Variants in MARCHF1 observed in about 807,000 individuals in gnomAD.
The protein encoded by MARCHF1 is E3 ubiquitin-protein ligase MARCHF1.
MARCHF1 carries 40 observed loss-of-function variants against 54.2 expected under a neutral mutation model. That is an observed-to-expected ratio of 0.74 (90% confidence interval 0.57 to 0.96). MARCHF1 has a LOEUF of 0.96. Among genes scored for constraint, MARCHF1 ranks in the 40% least tolerant of loss-of-function variants. The probability of loss-of-function intolerance (pLI) is 0.00; values close to 1 mark genes in which losing one functional copy is unlikely to be tolerated. For synonymous variants in MARCHF1, 236 were observed against 236.3 expected (o/e 1.00, Z 0.01); for missense variants, 586 against 656.5 (o/e 0.89, Z 1.17).
At chr4:163,989,064 A>C (rs3967465) in intron 2 of MARCHF1, 70,815 of 151,976 alleles carry the variant, frequency 0.47, 17,525 homozygotes, top group Non-Finnish European at 0.55. Context: ...GTTTTTGTTT[A>C]TCCTGATTCC....
At chr4:164,048,493 A>G (rs2111036657) in intron 2 of MARCHF1, among the ~76,000 whole-genome samples, 1 of 152,304 alleles carries the variant, frequency 6.6e-6, no homozygotes, top group African/African-American at 2.4e-5. Context: ...CAACTGCTTG[A>G]GAACAATGTT....
At chr4:163,767,189 T>C (rs1459513229) in intron 4 of MARCHF1, among the ~76,000 whole-genome samples, 1 of 151,638 alleles carries the variant, frequency 6.6e-6, no homozygotes, top group Non-Finnish European at 1.5e-5. Flanking sequence ...TTTTAGAAAT[T>C]TCACTCATTC....
At chr4:164,021,567 T>C (rs1753665225) in intron 2 of MARCHF1, among the ~76,000 whole-genome samples, 1 of 135,246 alleles carries the variant, frequency 7.4e-6, no homozygotes, top group Non-Finnish European at 1.6e-5. Flanking sequence ...ACTCTTTGCC[T>C]GACAAAAAGA....
At chr4:164,040,091 T>C (rs114399340) in intron 2 of MARCHF1, among the ~76,000 whole-genome samples, 12,299 of 145,670 alleles carry the variant, frequency 0.084, 635 homozygotes, top group South Asian at 0.21. Flanking sequence ...CATATATACA[T>C]ATATAAGTAT....
At chr4:163,572,214 A>G (rs1029553873) in intron 8 of MARCHF1, among the ~76,000 whole-genome samples, 1 of 152,086 alleles carries the variant, frequency 6.6e-6, no homozygotes, top group Admixed American at 6.6e-5. Context: ...TCAGCATCCT[A>G]TCCTTCATCA....
At chr4:163,570,028 A>G (rs1455861529) in intron 8 of MARCHF1, among the ~76,000 whole-genome samples, 1 of 152,122 alleles carries the variant, frequency 6.6e-6, no homozygotes, top group Non-Finnish European at 1.5e-5. Context: ...TTCTGTCTCA[A>G]TCGTGCTTAC....
chr4:164,180,130 C>T (rs940215665), intron 1 of MARCHF1, among the ~76,000 whole-genome samples: 1 of 151,702 alleles, frequency 6.6e-6, no homozygotes, highest in Non-Finnish European at 1.5e-5. Flanking sequence ...ATTAAAAAGA[C>T]AAATAAAATT....
chr4:164,244,657 A>T (rs2111223309), intron 1 of MARCHF1, among the ~76,000 whole-genome samples: 1 of 151,284 alleles, frequency 6.6e-6, no homozygotes, highest in Non-Finnish European at 1.5e-5. Context: ...CAAAAAATTA[A>T]TGAATCCAGG....
At chr4:164,068,969 T>C (rs1349784952) in intron 2 of MARCHF1, among the ~76,000 whole-genome samples, 1 of 152,156 alleles carries the variant, frequency 6.6e-6, no homozygotes, top group Non-Finnish European at 1.5e-5. Context: ...ATCGGCACTC[T>C]GTATCTAGTT....
At chr4:163,652,626 T>C (rs1280738550) in intron 5 of MARCHF1, among the ~76,000 whole-genome samples, 1 of 151,876 alleles carries the variant, frequency 6.6e-6, no homozygotes, top group African/African-American at 2.4e-5. Flanking sequence ...ATGTGCTCTA[T>C]AGTACTTATT....
At chr4:163,891,719 T>G (rs184609590) in intron 3 of MARCHF1, among the ~76,000 whole-genome samples, 246 of 152,292 alleles carry the variant, frequency 1.6e-3, no homozygotes, top group African/African-American at 5.6e-3. Flanking sequence ...TTTTATCATC[T>G]AAGGCTAACC....
intron 3 of MARCHF1, among the ~76,000 whole-genome samples, chr4:163,968,741 C>A (rs1268365025): frequency 6.6e-6 from 1 of 152,048 alleles, no homozygotes; most frequent in Non-Finnish European, 1.5e-5. Context: ...ACTTGGCCAC[C>A]ATTTCCTTCC....
At chr4:163,773,119 T>C (rs1236116990) in intron 4 of MARCHF1, among the ~76,000 whole-genome samples, 4 of 152,160 alleles carry the variant, frequency 2.6e-5, no homozygotes, top group Non-Finnish European at 4.4e-5. Flanking sequence ...ATGTCCACTG[T>C]TGCTGGACAG....
chr4:164,239,681 A>G (rs1732669377), intron 1 of MARCHF1, among the ~76,000 whole-genome samples: 1 of 152,142 alleles, frequency 6.6e-6, no homozygotes. Flanking sequence ...ACCCATCAAC[A>G]TTTCCAGTAA....
At chr4:164,315,343 G>C (rs1418116317) in intron 1 of MARCHF1, among the ~76,000 whole-genome samples, 1 of 151,352 alleles carries the variant, frequency 6.6e-6, no homozygotes, top group Non-Finnish European at 1.5e-5. Flanking sequence ...TGATGCAATA[G>C]TTAGCAAACC....
At chr4:163,662,485 C>G (rs916385507) in intron 5 of MARCHF1, among the ~76,000 whole-genome samples, 1 of 151,802 alleles carries the variant, frequency 6.6e-6, no homozygotes, top group African/African-American at 2.4e-5. Context: ...TATTTCTGCT[C>G]TCATATTTGT....
intron 3 of MARCHF1, among the ~76,000 whole-genome samples, chr4:163,982,303 T>C (rs1181173722): frequency 2.6e-5 from 4 of 152,220 alleles, no homozygotes; most frequent in Non-Finnish European, 5.9e-5. Flanking sequence ...GCATTCACCC[T>C]GTAGTGTCAG....
intron 2 of MARCHF1, among the ~76,000 whole-genome samples, chr4:164,051,408 C>CTG (rs1272014742): frequency 2.0e-5 from 3 of 151,778 alleles, no homozygotes; most frequent in Admixed American, 6.6e-5. Flanking sequence ...TTGTGTGTGT[C>CTG]TGTGTGTGTG....
intron 2 of MARCHF1, among the ~76,000 whole-genome samples, chr4:164,005,236 T>A (rs1210822421): frequency 2.0e-5 from 3 of 152,098 alleles, no homozygotes; most frequent in Non-Finnish European, 2.9e-5. Flanking sequence ...AAAATGTATA[T>A]TAAGAAAAGT....
Sources: gnomAD v4.1 joint callset for allele counts (sites outside exome capture counted in the v4.1 genomes callset) on GRCh38, gnomAD v4.1.1 for gene constraint, MANE v1.5 for transcripts, NCBI Gene and HGNC (gene_info 2026-07-23, HGNC 2026-07-21) for gene names.